KIF13B: variants seen among roughly 807,000 people sequenced by gnomAD.
KIF13B encodes kinesin-like protein KIF13B.
A neutral mutation model predicts 222.0 loss-of-function variants in KIF13B; 127 were observed. The ratio of observed to expected loss-of-function variants is 0.57; its 90% CI spans 0.50 to 0.66. The LOEUF (loss-of-function observed/expected upper bound fraction) is 0.66, where lower values mean the gene tolerates loss of function less well. Among genes scored for constraint, KIF13B ranks in the 30% least tolerant of loss-of-function variants. The pLI is 0.00. For synonymous variants in KIF13B, 976 were observed against 919.0 expected, an observed-to-expected ratio of 1.06 and a Z score of -1.12; for missense variants, 2,173 against 2,379.0, an observed-to-expected ratio of 0.91 and a Z score of 1.80.
At chr8:29,227,196 T>C (rs1287523969) in intron 2 of KIF13B, among the ~76,000 whole-genome samples, 1 of 151,878 alleles carries the variant, frequency 6.6e-6, no homozygotes, top group Non-Finnish European at 1.5e-5. Flanking sequence ...ATTTCAATTA[T>C]AGTCAATCCT....
Position 29,108,097 on chromosome 8 carries a change from A to G in KIF13B, c.4215+42T>C. On this transcript the variant is annotated intron_variant, in intron 35 of 39. Coordinates refer to ENST00000524189, the MANE Select transcript of KIF13B (RefSeq NM_015254.4). The stretch of plus-strand genomic sequence containing the variant: ...TTGAGAAGATGAAAGCTGAATGGGA[A>G]ATGGGACTTAAAACACTGATAGAAA... 3.9e-6 allele frequency: 6 copies of G among 1,523,746 alleles called. 1 individual carries two copies. In the Middle Eastern group the frequency reaches 8.5e-4, roughly 216 times the overall value. The allele number at this position is 1,523,746 out of a possible 1,614,324, so 94.4% of individuals were successfully genotyped here. A position where few individuals can be genotyped will look rare whatever the true frequency, so the allele number is the denominator to read the frequency against.
intron 19 of KIF13B, among the ~76,000 whole-genome samples, chr8:29,141,440 T>C (rs1327331860): frequency 6.6e-6 from 1 of 152,196 alleles, no homozygotes; most frequent in Non-Finnish European, 1.5e-5. Context: ...GACAAACATG[T>C]TTTAAGCAAA....
chr8:29,163,183 T>C (rs897392594), intron 12 of KIF13B, among the ~76,000 whole-genome samples: 4 of 152,242 alleles, frequency 2.6e-5, no homozygotes, highest in African/African-American at 9.6e-5. Context: ...GTTCTTTCTA[T>C]GCAAAAATAT....
At chr8:29,096,586 C>T (rs1295192978) in intron 36 of KIF13B, among the ~76,000 whole-genome samples, 1 of 151,950 alleles carries the variant, frequency 6.6e-6, no homozygotes, top group Non-Finnish European at 1.5e-5. Context: ...ACCCGGCCTA[C>T]AGGTGGCTAT....
At position 29,123,474 on chromosome 8, in the gene KIF13B, G is replaced by GCATCATC. The variant is rs1344099166; in HGVS notation, c.3364_3370dup (p.Ala1124GlyfsTer2). The GCATCATC allele has an allele frequency of 1.2e-6, 2 of 1,614,006 alleles. No individual in the cohort carries two copies. The highest frequency in any genetic ancestry group is 1.7e-5 in the Admixed American group (1 of 60,032). Reference sequence around the variant, plus strand: ...CTCCAGAAGCTGCGCTTCACGGTCAGCATCATCCTCTGTTTTATCTAGAAC... The same window carrying GCATCATC: ...CTCCAGAAGCTGCGCTTCACGGTCAGCATCATCCATCATCCTCTGTTTTATCTAGAAC... On this transcript the variant is annotated stop_gained and frameshift_variant, in exon 28 of 40. Transcript: ENST00000524189. LOFTEE classifies it high-confidence loss of function.
At chr8:29,128,224 A>G (rs1810202133) in intron 24 of KIF13B, among the ~76,000 whole-genome samples, 1 of 151,822 alleles carries the variant, frequency 6.6e-6, no homozygotes, top group South Asian at 2.1e-4. Flanking sequence ...ATATATTTAC[A>G]ATGAAGTAAT....
intron 13 of KIF13B, among the ~76,000 whole-genome samples, chr8:29,158,160 G>T (rs571457030): frequency 6.6e-6 from 1 of 152,276 alleles, no homozygotes; most frequent in East Asian, 1.9e-4. Context: ...TCAGAGAGGT[G>T]CTTCCTGAGC....
At chr8:29,263,388 T>C (rs1196508492), upstream of KIF13B, among the ~76,000 whole-genome samples, 1 of 152,226 alleles carries the variant, frequency 6.6e-6, no homozygotes, top group African/African-American at 2.4e-5. Flanking sequence ...GAAAAACAAT[T>C]GAATAGATGG....
chr8:29,149,449 T>G (rs1396803886), intron 15 of KIF13B, among the ~76,000 whole-genome samples: 1 of 152,172 alleles, frequency 6.6e-6, no homozygotes, highest in Admixed American at 6.5e-5. Flanking sequence ...ATGTTAACTT[T>G]TTACAATATC....
chr8:29,110,628 C>T lies in KIF13B; in HGVS notation c.3931-558G>A, dbSNP rs563410667. The T allele has an allele frequency of 4.9e-4, 76 of 153,766 alleles. 1 individual carries two copies. The highest frequency in any genetic ancestry group is 8.8e-4 in the Non-Finnish European group (61 of 69,082). The allele number at this position is 153,766 out of a possible 1,614,324, so 9.5% of individuals were successfully genotyped here. A position where few individuals can be genotyped will look rare whatever the true frequency, so the allele number is the denominator to read the frequency against. ...TTGGTTCAATCTTCTGCTCGAGTGG[C>T]AGTGGCCAAAGGCCTGGAGCCGACC... On this transcript the variant is annotated intron_variant, in intron 32 of 39. Coordinates refer to ENST00000524189, the MANE Select transcript of KIF13B (RefSeq NM_015254.4).
At chr8:29,231,703 A>C (rs1304134192) in intron 2 of KIF13B, among the ~76,000 whole-genome samples, 1 of 152,214 alleles carries the variant, frequency 6.6e-6, no homozygotes, top group Non-Finnish European at 1.5e-5. Context: ...GACAGTTTGC[A>C]TTTCACAGGT....
chr8:29,173,500 A>C (rs1812339863), intron 10 of KIF13B, among the ~76,000 whole-genome samples: 1 of 150,134 alleles, frequency 6.7e-6, no homozygotes, highest in African/African-American at 2.5e-5. Context: ...ATGGTGGTGT[A>C]GTCCCAACTA....
At position 29,153,935 on chromosome 8, in the gene KIF13B, C is replaced by T. The variant is rs1332408974; in HGVS notation, c.1535+1791G>A. 2.6e-5 allele frequency among the ~76,000 whole-genome samples: 4 copies of T among 152,268 alleles called. No homozygotes were observed. In the South Asian group the frequency reaches 6.2e-4, roughly 24 times the overall value. On this transcript the variant is annotated intron_variant, in intron 14 of 39. Transcript: ENST00000524189. ...AGCATTTACCTGGTGATATAGTATT[C>T]GTGATTTATGTGTATGCATACATGC...
chr8:29,177,563 C>T lies in KIF13B; in HGVS notation c.736G>A (p.Val246Met). ...AAATCCACCAGGCTGAGTTTGCCCA[C>T]TTTCTCTCCAGATGTCTACAAAGGA... ...DVKSGTSGEK[V>M]GKLSLVDLAG... The change falls in exon 9 of 40, where the codon GTG (valine) becomes ATG (methionine). Residue 246 changes from valine (V) to methionine (M), a missense_variant. Val to Met is a conservative substitution (Grantham distance 21). Transcript: ENST00000524189. 1 of 1,612,564 alleles carries T rather than the reference C, an allele frequency of 6.2e-7. No individual in the cohort carries two copies. Among genetic ancestry groups the T allele is most frequent in the Non-Finnish European group, 8.5e-7 (1 of 1,178,612 alleles).
chr8:29,158,435 A>G lies in KIF13B; in HGVS notation c.1404+2298T>C, dbSNP rs564278676. On this transcript the variant is annotated intron_variant, in intron 13 of 39. Transcript: ENST00000524189. ...TAATGATTCTGAAGTATGCTACTAT[A>G]AAGAATTCCAGGATAAATAAAGGGG... 3.9e-5 allele frequency among the ~76,000 whole-genome samples: 6 copies of G among 152,336 alleles called. No homozygotes were observed. In the South Asian group the frequency reaches 1.2e-3, roughly 32 times the overall value.
At chr8:29,216,154 C>T (rs191125737) in intron 2 of KIF13B, among the ~76,000 whole-genome samples, 2 of 152,278 alleles carry the variant, frequency 1.3e-5, no homozygotes, top group East Asian at 3.9e-4. Context: ...TGCTAAACGT[C>T]AAATACCTGG....
chr8:29,107,599 G>A (rs1270291711), intron 35 of KIF13B, among the ~76,000 whole-genome samples: 1 of 141,622 alleles, frequency 7.1e-6, no homozygotes, highest in Non-Finnish European at 1.5e-5. Flanking sequence ...TCTCGCTGTT[G>A]CCCAGGCTGG....
intron 26 of KIF13B, 114 bp from the exon 27 acceptor site, chr8:29,124,237 A>G: frequency 4.9e-6 from 3 of 606,760 alleles, no homozygotes; most frequent in Non-Finnish European, 8.6e-6. Context: ...GTAGTATACA[A>G]TAATTTCTTT....
chr8:29,247,888 G>A (rs1475729298), intron 1 of KIF13B, among the ~76,000 whole-genome samples: 2 of 146,718 alleles, frequency 1.4e-5, no homozygotes, highest in Non-Finnish European at 3.0e-5. Flanking sequence ...AATAGGCAAA[G>A]GATCTGAATA....
Sources: allele counts gnomAD v4.1 joint callset (sites outside exome capture counted in the v4.1 genomes callset), GRCh38; gene constraint gnomAD v4.1.1; transcripts MANE v1.5; gene names NCBI Gene and HGNC (gene_info 2026-07-23, HGNC 2026-07-21).